The following DCAF10 variants were observed in gnomAD, a reference collection of about 807,000 sequenced individuals.
DCAF10 encodes the protein DDB1 and CUL4 associated factor 10.
DCAF10 carries 19 observed loss-of-function variants against 51.9 expected under a neutral mutation model. That is an observed-to-expected ratio of 0.37 (90% confidence interval 0.26 to 0.54). The LOEUF is 0.54. Ranked by LOEUF, DCAF10 falls within the 20% of genes least tolerant of loss-of-function variation. The pLI is 0.87. For synonymous variants in DCAF10, 291 were observed against 297.1 expected (o/e 0.98, Z 0.21); for missense variants, 510 against 730.6 (o/e 0.70, Z 3.48).
intron 1 of DCAF10, among the ~76,000 whole-genome samples, chr9:37,809,954 C>T (rs1161920177): frequency 6.6e-6 from 1 of 152,076 alleles, no homozygotes; most frequent in East Asian, 1.9e-4. Context: ...AGTTTGAGAC[C>T]AGCCTGGCTA....
At chr9:37,834,373 C>T (rs2181814) in intron 2 of DCAF10, among the ~76,000 whole-genome samples, 29,053 of 152,070 alleles carry the variant, frequency 0.19, 3,167 homozygotes, top group African/African-American at 0.29. Context: ...CAATTCAAAA[C>T]TATTAGCTTT....
chr9:37,832,847 ACT>A (rs1262444688), intron 2 of DCAF10, among the ~76,000 whole-genome samples: 1 of 151,678 alleles, frequency 6.6e-6, no homozygotes, highest in Admixed American at 6.6e-5. Flanking sequence ...TACAGAAATG[ACT>A]CTCTGTTTTA....
In DCAF10 at chr9:37,801,089, G is replaced by A. The variant is rs1469810018; in HGVS notation, c.223G>A (p.Gly75Arg). The A allele has an allele frequency of 2.0e-6, 3 of 1,533,720 alleles. No individual in the cohort carries two copies. The highest frequency in any genetic ancestry group is 5.1e-5 in the East Asian group (2 of 39,372). Reference protein sequence around the residue: ...APRSGELGLPGAPESSTASAP... With the variant: ...APRSGELGLPRAPESSTASAP... ...GCGCTCCGGAGAGCTAGGGCTGCCT[G>A]GAGCTCCGGAGTCCTCAACTGCCTC... Residue 75 changes from glycine to arginine, a missense_variant, in exon 1 of 7, where the codon GGA becomes AGA. Physicochemically the swap from Gly to Arg is moderately radical, Grantham distance 125. Transcript: ENST00000377724. This position sits in a 1 kb window ranked among gnomAD's most constrained non-coding sequence, Gnocchi z 5.5.
At chr9:37,823,919 T>TCA (rs2117875100) in intron 2 of DCAF10, among the ~76,000 whole-genome samples, 1 of 150,158 alleles carries the variant, frequency 6.7e-6, no homozygotes, top group Non-Finnish European at 1.5e-5. Context: ...CTCACTATGT[T>TCA]GCCCAGGCTG....
intron 2 of DCAF10, among the ~76,000 whole-genome samples, chr9:37,822,442 T>TATATATATATATATATATATATATA: frequency 7.7e-6 from 1 of 129,118 alleles, no homozygotes; most frequent in Admixed American, 8.1e-5. Flanking sequence ...TATATATATA[T>TATATATATATATATATATATATATA]GATGGAATAT....
At chr9:37,839,567 T>C (rs1049002098) in intron 2 of DCAF10, among the ~76,000 whole-genome samples, 1 of 152,136 alleles carries the variant, frequency 6.6e-6, no homozygotes, top group Admixed American at 6.6e-5. Flanking sequence ...AATTAAAAAA[T>C]AGTTACTGGT....
chr9:37,807,204 A>G (rs1829139365), intron 1 of DCAF10, among the ~76,000 whole-genome samples: 1 of 152,150 alleles, frequency 6.6e-6, no homozygotes, highest in African/African-American at 2.4e-5. Context: ...TTTTTAGGCC[A>G]GGTATGGCAG....
intron 1 of DCAF10, among the ~76,000 whole-genome samples, chr9:37,805,638 A>G (rs1829090928): frequency 6.6e-6 from 1 of 152,212 alleles, no homozygotes; most frequent in African/African-American, 2.4e-5. Flanking sequence ...AGTACAAGAA[A>G]AAGTACAGAA....
At chr9:37,828,080 G>T (rs1364909839) in intron 2 of DCAF10, among the ~76,000 whole-genome samples, 3 of 152,004 alleles carry the variant, frequency 2.0e-5, no homozygotes, top group Non-Finnish European at 4.4e-5. Flanking sequence ...TAGAGACAGG[G>T]TCTTGCTATG....
chr9:37,800,851 G>C lies in DCAF10; in HGVS notation c.-16G>C, dbSNP rs1458362104. On this transcript the variant is annotated 5_prime_UTR_variant, in exon 1 of 7. Coordinates refer to ENST00000377724, the MANE Select transcript of DCAF10 (RefSeq NM_024345.5). ...GGCGGGGCAGTGGCCCGGAGCGGGG[G>C]GCGGGGGCGTTGATCATGTTTCCCT... The C allele has an allele frequency of 6.7e-7, 1 of 1,486,350 alleles. No homozygotes were observed. The highest frequency in any genetic ancestry group is 8.9e-7 in the Non-Finnish European group (1 of 1,125,180). 92.1% of individuals were successfully genotyped at this position (1,486,350 alleles called of 1,614,324 possible).
chr9:37,849,761 T>C (rs1245242502), intron 3 of DCAF10, among the ~76,000 whole-genome samples: 1 of 152,060 alleles, frequency 6.6e-6, no homozygotes, highest in Non-Finnish European at 1.5e-5. Flanking sequence ...GTGCCTGTAA[T>C]CCCAGCTACT....
intron 2 of DCAF10, among the ~76,000 whole-genome samples, chr9:37,835,696 G>A (rs1830142520): frequency 6.6e-6 from 1 of 152,142 alleles, no homozygotes; most frequent in Non-Finnish European, 1.5e-5. Flanking sequence ...TGAGAGTCAC[G>A]CCATTGCACT....
intron 1 of DCAF10, among the ~76,000 whole-genome samples, chr9:37,808,935 A>C (rs887400753): frequency 3.3e-5 from 5 of 149,468 alleles, no homozygotes; most frequent in African/African-American, 1.2e-4. Flanking sequence ...CAAGGAAGAA[A>C]GACTGTCTAC....
intron 4 of DCAF10, among the ~76,000 whole-genome samples, chr9:37,856,559 G>GA (rs1830855365): frequency 6.6e-6 from 1 of 152,178 alleles, no homozygotes; most frequent in Non-Finnish European, 1.5e-5. Flanking sequence ...ATGTGATGAT[G>GA]AAATAGACAC....
chr9:37,844,305 G>T (rs1159358076), intron 3 of DCAF10, among the ~76,000 whole-genome samples: 1 of 151,952 alleles, frequency 6.6e-6, no homozygotes, highest in East Asian at 1.9e-4. Flanking sequence ...CAGATCACTT[G>T]CGGTCAGGAG....
chr9:37,846,390 AG>A (rs1830472725), intron 3 of DCAF10, among the ~76,000 whole-genome samples: 1 of 152,222 alleles, frequency 6.6e-6, no homozygotes, highest in African/African-American at 2.4e-5. Flanking sequence ...GCAACAAATT[AG>A]GCAACACAGA....
At chr9:37,802,129 C>T (rs562352803) in intron 1 of DCAF10, among the ~76,000 whole-genome samples, 1 of 152,268 alleles carries the variant, frequency 6.6e-6, no homozygotes, top group East Asian at 1.9e-4. Context: ...ATTCTTACCC[C>T]ACCAAGCCTC....
chr9:37,822,333 A>G (rs1829727019), intron 2 of DCAF10, among the ~76,000 whole-genome samples: 1 of 151,572 alleles, frequency 6.6e-6, no homozygotes, highest in Non-Finnish European at 1.5e-5. Flanking sequence ...TTATAGCAGC[A>G]CAATTCACAA....
rs1323601732 is a variant in DCAF10, at chr9:37,865,358, A to T, written c.*3850A>T. On this transcript the variant is annotated 3_prime_UTR_variant, in exon 7 of 7. Coordinates refer to ENST00000377724, the MANE Select transcript of DCAF10 (RefSeq NM_024345.5). ...CTCCTTGAGATATGGTGATGATCAA[A>T]AAGTTAGCAAGGAATATTAATCAAG... The T allele has an allele frequency of 6.6e-6, 1 of 152,216 alleles. No individual in the cohort carries two copies. Among genetic ancestry groups the T allele is most frequent in the Non-Finnish European group, 1.5e-5 (1 of 68,036 alleles). 9.4% of individuals were successfully genotyped at this position (152,216 alleles called of 1,614,324 possible). A position where few individuals can be genotyped will look rare whatever the true frequency, so the allele number is the denominator to read the frequency against.
Sources: gnomAD v4.1 joint callset for allele counts (sites outside exome capture counted in the v4.1 genomes callset) on GRCh38, gnomAD v4.1.1 for gene constraint, Gnocchi (gnomAD v3.1) non-coding constraint, MANE v1.5 for transcripts, NCBI Gene and HGNC (gene_info 2026-07-23, HGNC 2026-07-21) for gene names.